Variants in UTRN observed in about 807,000 individuals in gnomAD.
UTRN encodes the protein utrophin.
UTRN carries 283 observed loss-of-function variants against 463.9 expected under a neutral mutation model. That is an observed-to-expected ratio of 0.61 (90% confidence interval 0.55 to 0.67). The LOEUF is 0.67. UTRN is among the 30% of genes least tolerant of loss of function. UTRN has a pLI of 0.00. For missense variants in UTRN, 3,922 were observed against 4,084.3 expected, an observed-to-expected ratio of 0.96 and a Z score of 1.08; for synonymous variants, 1,442 against 1,431.5, an observed-to-expected ratio of 1.01 and a Z score of -0.17.
intron 51 of UTRN, among the ~76,000 whole-genome samples, chr6:144,675,329 T>C (rs1269376510): frequency 6.6e-6 from 1 of 152,154 alleles, no homozygotes; most frequent in Non-Finnish European, 1.5e-5. Context: ...CTCCCAGCCA[T>C]GGATAGTAGC....
At chr6:144,410,160 G>A (rs1048837543) in intron 3 of UTRN, among the ~76,000 whole-genome samples, 1 of 152,144 alleles carries the variant, frequency 6.6e-6, no homozygotes, top group African/African-American at 2.4e-5. Context: ...GGAAGGAGCA[G>A]TGTACCTGCC....
intron 2 of UTRN, among the ~76,000 whole-genome samples, chr6:144,355,441 T>C (rs74808935): frequency 0.036 from 5,482 of 152,196 alleles, 272 homozygotes; most frequent in East Asian, 0.16. Context: ...TCAAGTGATA[T>C]ACCTGCCTCT....
intron 2 of UTRN, among the ~76,000 whole-genome samples, chr6:144,365,205 C>A (rs1238842208): frequency 1.3e-5 from 2 of 152,160 alleles, no homozygotes; most frequent in Non-Finnish European, 2.9e-5. Context: ...CCAATCATTC[C>A]TGCTTTCTCC....
intron 2 of UTRN, chr6:144,398,275 T>C: frequency 3.6e-6 from 1 of 278,760 alleles, no homozygotes; most frequent in Non-Finnish European, 7.3e-6. Flanking sequence ...ACAACCATCA[T>C]TGCCTTGGAG....
chr6:144,617,115 G>T (rs1806206471), intron 51 of UTRN, among the ~76,000 whole-genome samples: 1 of 152,136 alleles, frequency 6.6e-6, no homozygotes, highest in South Asian at 2.1e-4. Context: ...TGAGATATCA[G>T]TGGATAATTT....
chr6:144,764,843 A>G (rs1475839217), intron 58 of UTRN, among the ~76,000 whole-genome samples: 3 of 152,238 alleles, frequency 2.0e-5, no homozygotes, highest in Non-Finnish European at 2.9e-5. Context: ...ATAAAAAGCT[A>G]AAAGCTACAA....
chr6:144,748,190 A>G, intron 54 of UTRN, 56 bp from the exon 55 acceptor site: 2 of 1,533,940 alleles, frequency 1.3e-6, no homozygotes, highest in South Asian at 1.3e-5. Flanking sequence ...ACACTTGGCT[A>G]TTAAGAATAT....
chr6:144,492,653 CCTT>C (rs1793179820), intron 32 of UTRN, among the ~76,000 whole-genome samples: 1 of 152,188 alleles, frequency 6.6e-6, no homozygotes, highest in Non-Finnish European at 1.5e-5. Flanking sequence ...TATGGTGTTC[CCTT>C]TTCTCTGCAG....
chr6:144,635,589 G>C (rs1777091879), intron 51 of UTRN, among the ~76,000 whole-genome samples: 1 of 124,310 alleles, frequency 8.0e-6, no homozygotes, highest in Non-Finnish European at 1.6e-5. Context: ...ACCCAGGCTG[G>C]AGTGCAGTGA....
intron 51 of UTRN, among the ~76,000 whole-genome samples, chr6:144,643,066 C>T (rs1777925649): frequency 6.6e-6 from 1 of 152,062 alleles, no homozygotes; most frequent in Non-Finnish European, 1.5e-5. Flanking sequence ...TATATAGCTA[C>T]TATTTTATAG....
chr6:144,624,693 C>G (rs1775771065), intron 51 of UTRN, among the ~76,000 whole-genome samples: 2 of 152,100 alleles, frequency 1.3e-5, no homozygotes, highest in Admixed American at 6.5e-5. Context: ...TCATTGACAT[C>G]CTGGCAGCTA....
At chr6:144,752,976 G>A (rs1791573768) in intron 56 of UTRN, among the ~76,000 whole-genome samples, 1 of 152,166 alleles carries the variant, frequency 6.6e-6, no homozygotes, top group Middle Eastern at 3.2e-3. Flanking sequence ...ATGCTGGTGG[G>A]CAACACTGTT....
chr6:144,360,834 C>T (rs571757426), intron 2 of UTRN, among the ~76,000 whole-genome samples: 3 of 152,270 alleles, frequency 2.0e-5, no homozygotes, highest in African/African-American at 7.2e-5. Context: ...GCCACCTTTC[C>T]TTCTTTGTCT....
In UTRN at chr6:144,302,156, T is replaced by C. The variant is rs560971650; in HGVS notation, c.79+10249T>C. Among the ~76,000 whole-genome samples, 230 of 152,322 alleles carry C rather than the reference T, an allele frequency of 1.5e-3. 1 individual carries two copies. The highest frequency in any genetic ancestry group is 2.8e-3 in the Non-Finnish European group (191 of 68,034). On this transcript the variant is annotated intron_variant, in intron 2 of 74. Coordinates refer to ENST00000367545, the MANE Select transcript of UTRN (RefSeq NM_007124.3). Reference sequence around the variant, plus strand: ...GGCTTGTGTATGTCTATATGCCTTTTTTCATCTGACTTTCTGATGCTAGCC... The same window carrying C: ...GGCTTGTGTATGTCTATATGCCTTTCTTCATCTGACTTTCTGATGCTAGCC...
At chr6:144,650,840 C>T (rs1387823048) in intron 51 of UTRN, among the ~76,000 whole-genome samples, 2 of 151,992 alleles carry the variant, frequency 1.3e-5, no homozygotes, top group African/African-American at 4.8e-5. Context: ...ACCCAGGAGA[C>T]GGAGGTTGCA....
At chr6:144,617,816 G>A (rs781518257) in intron 51 of UTRN, among the ~76,000 whole-genome samples, 3 of 152,120 alleles carry the variant, frequency 2.0e-5, no homozygotes, top group Non-Finnish European at 2.9e-5. Flanking sequence ...CTGTTCTACC[G>A]GGGAGTATGC....
chr6:144,380,986 T>C (rs188664441), intron 2 of UTRN, among the ~76,000 whole-genome samples: 8 of 152,214 alleles, frequency 5.3e-5, no homozygotes, highest in African/African-American at 1.9e-4. Flanking sequence ...CTTTTTTTCT[T>C]TCTTTTTTTT....
intron 52 of UTRN, among the ~76,000 whole-genome samples, chr6:144,690,879 G>A (rs1783329063): frequency 6.6e-6 from 1 of 152,056 alleles, no homozygotes; most frequent in African/African-American, 2.4e-5. Flanking sequence ...TACAATTTTT[G>A]GCCTGGCTCA....
intron 60 of UTRN, among the ~76,000 whole-genome samples, chr6:144,778,177 CA>C (rs1397660798): frequency 6.6e-6 from 1 of 152,036 alleles, no homozygotes; most frequent in East Asian, 1.9e-4. Flanking sequence ...GAAGGATGAT[CA>C]AAGCTGAGCT....
Sources: allele counts gnomAD v4.1 joint callset (sites outside exome capture counted in the v4.1 genomes callset), GRCh38; gene constraint gnomAD v4.1.1; transcripts MANE v1.5; gene names NCBI Gene and HGNC (gene_info 2026-07-23, HGNC 2026-07-21).